The following ABCA12 variants were observed in gnomAD, a reference collection of about 807,000 sequenced individuals.
The protein encoded by ABCA12 is glucosylceramide transporter ABCA12.
ABCA12 carries 156 observed loss-of-function variants against 293.5 expected under a neutral mutation model. That is an observed-to-expected ratio of 0.53 (90% confidence interval 0.47 to 0.61). The LOEUF (loss-of-function observed/expected upper bound fraction) is 0.61, where lower values mean the gene tolerates loss of function less well. Among genes scored for constraint, ABCA12 ranks in the 20% least tolerant of loss-of-function variants. The pLI is 0.00. For synonymous variants in ABCA12, 1,063 were observed against 1,108.0 expected (o/e 0.96, Z 0.81); for missense variants, 2,797 against 3,090.2 (o/e 0.91, Z 2.25).
chr2:215,083,406 A>C (rs963991739), intron 2 of ABCA12, among the ~76,000 whole-genome samples: 1 of 152,162 alleles, frequency 6.6e-6, no homozygotes, highest in Non-Finnish European at 1.5e-5. Flanking sequence ...GTTCAGTACG[A>C]AGGTATCAGA....
In ABCA12 at chr2:214,948,655, CCA is replaced by C; in HGVS notation, c.7043_7044del (p.Val2348GlyfsTer19). 1 of 1,614,096 alleles carries C rather than the reference CCA, an allele frequency of 6.2e-7. No homozygotes were observed. The highest frequency in any genetic ancestry group is 8.5e-7 in the Non-Finnish European group (1 of 1,179,984). ...QEDALDDLVT[V>X]EEHLYFYARV... ...CTGGCATAGAAATACAAATGTTCTT[CCA>C]CAGTTACCAGGTCATCTAAGGCATC... On this transcript the variant is annotated frameshift_variant, in exon 47 of 53. Coordinates refer to ENST00000272895, the MANE Select transcript of ABCA12 (RefSeq NM_173076.3). LOFTEE classifies it high-confidence loss of function.
intron 50 of ABCA12, among the ~76,000 whole-genome samples, chr2:214,941,660 T>C (rs1321905907): frequency 2.0e-5 from 3 of 152,208 alleles, no homozygotes; most frequent in African/African-American, 4.8e-5. Flanking sequence ...ATATTTAGGA[T>C]AGTTAGCTCT....
At chr2:215,039,346 C>T (rs936784605) in intron 7 of ABCA12, among the ~76,000 whole-genome samples, 3 of 152,154 alleles carry the variant, frequency 2.0e-5, no homozygotes, top group African/African-American at 7.2e-5. Context: ...AAAATACAGT[C>T]ATTTGTGAGA....
At chr2:215,050,721 A>G in intron 5 of ABCA12, 13 of 846,984 alleles carry the variant, frequency 1.5e-5, no homozygotes, top group Non-Finnish European at 1.7e-5. Flanking sequence ...CCACTTATCT[A>G]GGATGTACTA....
At chr2:215,119,344 A>G (rs552499247) in intron 1 of ABCA12, among the ~76,000 whole-genome samples, 2 of 152,244 alleles carry the variant, frequency 1.3e-5, no homozygotes, top group East Asian at 3.9e-4. Flanking sequence ...TTTTGTTACA[A>G]TTGCTTTTGG....
chr2:215,003,017 A>G (rs1021328672), intron 20 of ABCA12, among the ~76,000 whole-genome samples: 1 of 152,232 alleles, frequency 6.6e-6, no homozygotes, highest in African/African-American at 2.4e-5. Context: ...TTTAGAGAGT[A>G]AATCCACTAG....
At chr2:215,087,126 G>A (rs1702056963) in intron 2 of ABCA12, among the ~76,000 whole-genome samples, 1 of 152,044 alleles carries the variant, frequency 6.6e-6, no homozygotes, top group African/African-American at 2.4e-5. Context: ...ATTTTTAGTA[G>A]AGACTGGATT....
chr2:214,978,554 T>G, intron 32 of ABCA12, 88 bp from the exon 33 acceptor site: 1 of 1,498,558 alleles, frequency 6.7e-7, no homozygotes, highest in East Asian at 2.4e-5. Context: ...TGAACTTTTA[T>G]CACATTTACT....
At chr2:214,956,815 A>C (rs1277748862) in intron 41 of ABCA12, 37 bp from the exon 42 acceptor site, 2 of 1,447,782 alleles carry the variant, frequency 1.4e-6, no homozygotes, top group Non-Finnish European at 1.9e-6. Flanking sequence ...AATACGTGAC[A>C]AGCATTTTTC....
intron 2 of ABCA12, among the ~76,000 whole-genome samples, chr2:215,068,019 G>T (rs1055503453): frequency 2.0e-5 from 3 of 152,154 alleles, no homozygotes; most frequent in Non-Finnish European, 2.9e-5. Flanking sequence ...CTCAAAGGGA[G>T]ATCAATTTTG....
At chr2:215,131,902 CT>C (rs1559212136) in intron 1 of ABCA12, among the ~76,000 whole-genome samples, 3 of 151,730 alleles carry the variant, frequency 2.0e-5, no homozygotes, top group Admixed American at 6.6e-5. Flanking sequence ...TTAGCACTGC[CT>C]TTGCTATATC....
Position 215,019,335 on chromosome 2 carries a change from C to T in ABCA12, c.1657+1G>A, listed in dbSNP as rs758568142. 2 of 1,606,288 alleles carry T rather than the reference C, an allele frequency of 1.2e-6. No individual in the cohort carries two copies. Among genetic ancestry groups the T allele is most frequent in the African/African-American group, 1.3e-5 (1 of 74,774 alleles). ...GATTTAAAATGTGGATGGGGAAACA[C>T]CTGGCTTTTCAGAAGCATCTGCACT... On this transcript the variant is annotated splice_donor_variant, in intron 13 of 52. Coordinates refer to ENST00000272895, the MANE Select transcript of ABCA12 (RefSeq NM_173076.3). LOFTEE classifies it high-confidence loss of function.
intron 2 of ABCA12, among the ~76,000 whole-genome samples, chr2:215,072,156 C>T (rs544058411): frequency 6.6e-6 from 1 of 152,324 alleles, no homozygotes; most frequent in East Asian, 1.9e-4. Context: ...TCAATTGCTA[C>T]AGCCACAAGG....
chr2:215,093,004 T>C (rs1383869126), intron 2 of ABCA12, among the ~76,000 whole-genome samples: 2 of 152,182 alleles, frequency 1.3e-5, no homozygotes, highest in Non-Finnish European at 2.9e-5. Context: ...ATGATTTACT[T>C]TCTTTCCATC....
chr2:215,049,582 T>C (rs1443768439), intron 6 of ABCA12, 44 bp downstream of exon 6: 1 of 1,579,358 alleles, frequency 6.3e-7, no homozygotes, highest in Non-Finnish European at 8.7e-7. Context: ...ATTTACCCTT[T>C]AATTCATGTT....
chr2:215,014,193 A>G (rs1700439850), intron 15 of ABCA12, among the ~76,000 whole-genome samples: 1 of 141,800 alleles, frequency 7.1e-6, no homozygotes, highest in Non-Finnish European at 1.6e-5. Context: ...AAAAAAAAAA[A>G]GGTTTAAAAA....
At chr2:215,124,638 T>G (rs926852487) in intron 1 of ABCA12, among the ~76,000 whole-genome samples, 1 of 152,196 alleles carries the variant, frequency 6.6e-6, no homozygotes, top group Admixed American at 6.5e-5. Context: ...TTAGCCCACT[T>G]TTTGATGGGA....
At chr2:215,015,224 A>G (rs1007257838) in intron 15 of ABCA12, among the ~76,000 whole-genome samples, 4 of 151,996 alleles carry the variant, frequency 2.6e-5, no homozygotes, top group Admixed American at 2.0e-4. Context: ...TGTATTTCAC[A>G]GTAACAGTAC....
At chr2:214,989,261 A>G in intron 26 of ABCA12, 68 bp downstream of exon 26, 2 of 1,463,966 alleles carry the variant, frequency 1.4e-6, no homozygotes, top group Non-Finnish European at 1.8e-6. Context: ...ATATTAGAAC[A>G]TATTATTAGT....
Sources: gnomAD v4.1 joint callset for allele counts (sites outside exome capture counted in the v4.1 genomes callset) on GRCh38, gnomAD v4.1.1 for gene constraint, MANE v1.5 for transcripts, NCBI Gene and HGNC (gene_info 2026-07-23, HGNC 2026-07-21) for gene names.